The following PHACTR2 variants were observed in gnomAD, a reference collection of about 807,000 sequenced individuals.
PHACTR2 encodes chromosome 6 open reading frame 56.
A neutral mutation model predicts 76.0 loss-of-function variants in PHACTR2; 30 were observed. That is an observed-to-expected ratio of 0.39 (90% CI 0.30 to 0.54). The LOEUF is 0.54. PHACTR2 is among the 20% of genes least tolerant of loss of function. The pLI, the probability that PHACTR2 is intolerant of heterozygous loss-of-function variation, is 0.61. For missense variants in PHACTR2, 696 were observed against 781.1 expected (o/e 0.89, Z 1.30); for synonymous variants, 292 against 292.5 (o/e 1.00, Z 0.02).
rs1432053142 is a variant in PHACTR2, at chr6:143,608,555, T to C, written c.13+233T>C. 5.4e-5 allele frequency among the ~76,000 whole-genome samples: 7 copies of C among 130,662 alleles called. No individual in the cohort carries two copies. The highest frequency in any genetic ancestry group is 1.4e-4 in the African/African-American group (4 of 28,068). The allele number at this position is 130,662 out of a possible 152,430, so 85.7% of individuals were successfully genotyped here. ...TTCCAAATTCACCTTTTGTGAAGAC[T>C]ACTGCTATTTAGGCTGAAGCAAGTG... On this transcript the variant is annotated intron_variant, in intron 1 of 11. Coordinates refer to the PHACTR2 transcript ENST00000305766. This position sits in a 1 kb window ranked among gnomAD's most constrained non-coding sequence, Gnocchi z 4.6.
At chr6:143,704,701 TGTC>T (rs916653971) in intron 1 of PHACTR2, among the ~76,000 whole-genome samples, 24 of 152,332 alleles carry the variant, frequency 1.6e-4, no homozygotes, top group African/African-American at 5.8e-4. Context: ...TTTTCCCTAA[TGTC>T]GTCTTTTTTT....
In PHACTR2 at chr6:143,750,982, C is replaced by T. The variant is rs1299114511; in HGVS notation, c.295+1917C>T. Among the ~76,000 whole-genome samples, 2 of 152,124 alleles carry T rather than the reference C, an allele frequency of 1.3e-5. No homozygotes were observed. The highest frequency in any genetic ancestry group is 4.8e-5 in the African/African-American group (2 of 41,416). The stretch of plus-strand genomic sequence containing the variant: ...GATGTCAGTAGTAAATGGAGTCCTT[C>T]CCCTTTTCAGCTGAGGGCTGGAGAA... On this transcript the variant is annotated intron_variant, in intron 3 of 12. Coordinates refer to ENST00000440869, the MANE Select transcript of PHACTR2 (RefSeq NM_001100164.2). The surrounding 1 kb of genome is among the most constrained non-coding windows in gnomAD (Gnocchi z 4.6).
chr6:143,631,569 T>C (rs997415839), intron 1 of PHACTR2, among the ~76,000 whole-genome samples: 4 of 152,136 alleles, frequency 2.6e-5, no homozygotes, highest in Non-Finnish European at 5.9e-5. Flanking sequence ...GTACACCCAG[T>C]TACTTTGTAT....
intron 1 of PHACTR2, among the ~76,000 whole-genome samples, chr6:143,563,899 G>T (rs1227843065): frequency 1.3e-5 from 2 of 151,876 alleles, no homozygotes; most frequent in South Asian, 4.1e-4. Flanking sequence ...AGCTATTTGG[G>T]AGGTTGAGGT....
At chr6:143,565,046 AT>A (rs1347458883) in intron 1 of PHACTR2, among the ~76,000 whole-genome samples, 1 of 152,220 alleles carries the variant, frequency 6.6e-6, no homozygotes, top group Non-Finnish European at 1.5e-5. Flanking sequence ...GTTCAAGCCA[AT>A]AGATATGTTT....
At position 143,772,258 on chromosome 6, in the gene PHACTR2, T is replaced by C. The variant is rs752358466; in HGVS notation, c.1233T>C (p.Cys411=). 6 of 1,612,382 alleles carry C rather than the reference T, an allele frequency of 3.7e-6. No individual in the cohort carries two copies. In the African/African-American group the frequency reaches 8.0e-5, roughly 22 times the overall value. The change falls in exon 7 of 13, where the codon TGT becomes TGC. Residue 411 remains cysteine (C), a splice_region_variant and synonymous_variant. Transcript: ENST00000440869. The surrounding 1 kb of genome is among the most constrained non-coding windows in gnomAD (Gnocchi z 5.4). ...TCCCATGCTTTTCTGCCTTTAACAG[T>C]TTCACAACCAAAGAGGAGCTGGGGA... is the stretch of plus-strand genomic sequence containing the variant. The part of the protein sequence containing the change: ...GLSVNRENAK[C]FTTKEELGKT...
At chr6:143,747,673 G>A (rs1779096141) in intron 2 of PHACTR2, among the ~76,000 whole-genome samples, 1 of 152,158 alleles carries the variant, frequency 6.6e-6, no homozygotes, top group South Asian at 2.1e-4. Context: ...TACCAGTGTA[G>A]CTTTCCTGCT....
rs930172864 is a variant in PHACTR2 at position 143,782,965 on chromosome 6, G to A, written c.1646-254G>A. ...CAACAAGACATCAGGAAGCAAAAAC[G>A]TTTAAAATTAGTAAAGCAAACCAGT... On this transcript the variant is annotated intron_variant, in intron 9 of 12. Coordinates refer to ENST00000440869, the MANE Select transcript of PHACTR2 (RefSeq NM_001100164.2). The surrounding 1 kb of genome is among the most constrained non-coding windows in gnomAD (Gnocchi z 4.6). Among the ~76,000 whole-genome samples, 13 of 150,432 alleles carry A rather than the reference G, an allele frequency of 8.6e-5. No individual in the cohort carries two copies. The highest frequency in any genetic ancestry group is 1.2e-4 in the Non-Finnish European group (8 of 67,712).
At position 143,789,296 on chromosome 6, in the gene PHACTR2, C is replaced by A. The variant is rs1057465372; in HGVS notation, c.1845+386C>A. The A allele has an allele frequency of 1.2e-5, 2 of 165,168 alleles. No homozygotes were observed. Among genetic ancestry groups the A allele is most frequent in the Non-Finnish European group, 2.7e-5 (2 of 74,758 alleles). 10.2% of individuals were successfully genotyped at this position (165,168 alleles called of 1,614,324 possible). A position where few individuals can be genotyped will look rare whatever the true frequency, so the allele number is the denominator to read the frequency against. On this transcript the variant is annotated intron_variant, in intron 11 of 12. Transcript: ENST00000440869. The surrounding 1 kb of genome is among the most constrained non-coding windows in gnomAD (Gnocchi z 5.1). The stretch of plus-strand genomic sequence containing the variant: ...ACTTTTAATAGAAATGACAAGACAG[C>A]AAATAGTTTAGGCTATGTGGGCCAT...
Position 143,618,777 on chromosome 6 carries a change from C to T in PHACTR2, c.13+10455C>T, listed in dbSNP as rs1172402587. On this transcript the variant is annotated intron_variant, in intron 1 of 11. Coordinates refer to the PHACTR2 transcript ENST00000305766. This position sits in a 1 kb window ranked among gnomAD's most constrained non-coding sequence, Gnocchi z 5.2. ...GTTTGCTCCAAACCATCCTCAACTC[C>T]TCTGGATAGAATGAGTGTTCTCACT... is the stretch of plus-strand genomic sequence containing the variant. Among the ~76,000 whole-genome samples the T allele has an allele frequency of 6.6e-6, 1 of 152,126 alleles. No individual in the cohort carries two copies. Among genetic ancestry groups the T allele is most frequent in the Non-Finnish European group, 1.5e-5 (1 of 68,028 alleles).
intron 1 of PHACTR2, among the ~76,000 whole-genome samples, chr6:143,569,146 G>C (rs1258320489): frequency 6.6e-6 from 1 of 152,220 alleles, no homozygotes; most frequent in African/African-American, 2.4e-5. Context: ...CTCCCTTGCA[G>C]TTAGGCAGGG....
chr6:143,766,892 T>C (rs910463942), intron 6 of PHACTR2, among the ~76,000 whole-genome samples: 1 of 152,224 alleles, frequency 6.6e-6, no homozygotes, highest in African/African-American at 2.4e-5. Context: ...ATAAATTCTG[T>C]CTGGCAAAGG....
At chr6:143,692,468 A>G (rs1197859651) in intron 1 of PHACTR2, among the ~76,000 whole-genome samples, 1 of 152,188 alleles carries the variant, frequency 6.6e-6, no homozygotes, top group Admixed American at 6.5e-5. Flanking sequence ...TATACATCTA[A>G]TGTTCTGTCG....
At chr6:143,645,283 A>AAT (rs35295522) in intron 1 of PHACTR2, among the ~76,000 whole-genome samples, 25,115 of 150,194 alleles carry the variant, frequency 0.17, 2,462 homozygotes, top group Middle Eastern at 0.24. Context: ...AAGAAACTGT[A>AAT]ATATATATAT....
Position 143,795,985 on chromosome 6 carries a change from T to G in PHACTR2, c.1845+7075T>G, listed in dbSNP as rs117998671. On this transcript the variant is annotated intron_variant, in intron 11 of 12. Transcript: ENST00000440869. The surrounding 1 kb of genome is among the most constrained non-coding windows in gnomAD (Gnocchi z 4.8). ...AAAGAGAGTGTAGAATTTTTTCAGATGAGATGTGCTTTTGTCCAACAGGTC... is the reference window on the plus strand; with the variant it reads ...AAAGAGAGTGTAGAATTTTTTCAGAGGAGATGTGCTTTTGTCCAACAGGTC... Among the ~76,000 whole-genome samples the G allele has an allele frequency of 0.011, 1,687 of 152,312 alleles. 18 individuals carry two copies. Among genetic ancestry groups the G allele is most frequent in the Middle Eastern group, 0.017 (5 of 294 alleles).
At chr6:143,703,505 A>G (rs1202382590) in intron 1 of PHACTR2, among the ~76,000 whole-genome samples, 2 of 152,212 alleles carry the variant, frequency 1.3e-5, no homozygotes, top group Non-Finnish European at 2.9e-5. Flanking sequence ...GGAGGCATGT[A>G]TGAATAGCAG....
intron 1 of PHACTR2, among the ~76,000 whole-genome samples, chr6:143,579,906 T>C (rs778629200): frequency 6.6e-6 from 1 of 152,206 alleles, no homozygotes; most frequent in Admixed American, 6.5e-5. Flanking sequence ...AGTCATCTCC[T>C]GGCTCTGCCG....
rs531477558 is a variant in PHACTR2, at chr6:143,789,079, A to G, written c.1845+169A>G. ...TTAAGTGATACATTTAGTGATATCAATGTAGTTCTTTCAACTAAGTCTCAG... is the reference window on the plus strand; with the variant it reads ...TTAAGTGATACATTTAGTGATATCAGTGTAGTTCTTTCAACTAAGTCTCAG... On this transcript the variant is annotated intron_variant, in intron 11 of 12. Coordinates refer to ENST00000440869, the MANE Select transcript of PHACTR2 (RefSeq NM_001100164.2). This position sits in a 1 kb window ranked among gnomAD's most constrained non-coding sequence, Gnocchi z 5.1. The G allele has an allele frequency of 1.2e-5, 6 of 513,520 alleles. No homozygotes were observed. The highest frequency in any genetic ancestry group is 7.4e-5 in the South Asian group (2 of 27,094). The allele number at this position is 513,520 out of a possible 1,614,324, so 31.8% of individuals were successfully genotyped here. A position where few individuals can be genotyped will look rare whatever the true frequency, so the allele number is the denominator to read the frequency against.
chr6:143,649,520 A>G (rs1280671634), intron 1 of PHACTR2, among the ~76,000 whole-genome samples: 1 of 152,236 alleles, frequency 6.6e-6, no homozygotes, highest in Admixed American at 6.5e-5. Flanking sequence ...CATCCTCAGG[A>G]TGCAAGGTTG....
Sources: allele counts gnomAD v4.1 joint callset (sites outside exome capture counted in the v4.1 genomes callset), GRCh38; gene constraint gnomAD v4.1.1; non-coding constraint Gnocchi (gnomAD v3.1); transcripts MANE v1.5; gene names NCBI Gene and HGNC (gene_info 2026-07-23, HGNC 2026-07-21).